KCNJ6: variants seen among roughly 807,000 people sequenced by gnomAD.
KCNJ6 encodes potassium inwardly rectifying channel subfamily J member 6, also known as G protein-activated inward rectifier potassium channel 2.
In KCNJ6, 9 loss-of-function variants were observed where a neutral mutation model predicts 34.2. That is an observed-to-expected ratio of 0.26 (90% CI 0.16 to 0.46). The LOEUF is 0.46. Ranked by LOEUF, KCNJ6 falls within the 20% of genes least tolerant of loss-of-function variation. The pLI, the probability that KCNJ6 is intolerant of heterozygous loss-of-function variation, is 1.00. For synonymous variants in KCNJ6, 196 were observed against 207.1 expected, an observed-to-expected ratio of 0.95 and a Z score of 0.46; for missense variants, 236 against 531.3, an observed-to-expected ratio of 0.44 and a Z score of 5.46.
chr21:37,719,440 A>ATTTC (rs2054812677), intron 2 of KCNJ6: 1 of 152,092 alleles, frequency 6.6e-6, no homozygotes, highest in Non-Finnish European at 1.5e-5. Flanking sequence ...GAGAGCAGAC[A>ATTTC]TTTCTCCCAT....
At chr21:37,782,136 G>A (rs2055172427) in intron 2 of KCNJ6, among the ~76,000 whole-genome samples, 1 of 152,154 alleles carries the variant, frequency 6.6e-6, no homozygotes, top group Non-Finnish European at 1.5e-5. Context: ...GAGAGTGAGA[G>A]AGAGAGAGAG....
intron 2 of KCNJ6, among the ~76,000 whole-genome samples, chr21:37,755,782 G>A (rs529632960): frequency 7.2e-5 from 11 of 152,208 alleles, no homozygotes; most frequent in Admixed American, 6.5e-4. Flanking sequence ...GGATGGATAC[G>A]AGGGTGCGGT....
chr21:37,888,115 G>A (rs532716948), intron 1 of KCNJ6, among the ~76,000 whole-genome samples: 57 of 152,358 alleles, frequency 3.7e-4, no homozygotes, highest in African/African-American at 1.3e-3. Flanking sequence ...AACCAAGGCT[G>A]GCTATTCTGG....
chr21:37,679,477 G>A (rs77342216), intron 3 of KCNJ6, among the ~76,000 whole-genome samples: 3,097 of 152,268 alleles, frequency 0.02, 101 homozygotes, highest in African/African-American at 0.071. Flanking sequence ...GAGTTAATAC[G>A]TGTGAAACAC....
chr21:37,696,661 G>T (rs2054664887), intron 3 of KCNJ6, among the ~76,000 whole-genome samples: 1 of 152,124 alleles, frequency 6.6e-6, no homozygotes, highest in South Asian at 2.1e-4. Context: ...GTCTGCAGAT[G>T]CTACTATATC....
At chr21:37,807,428 T>G (rs192032072) in intron 2 of KCNJ6, among the ~76,000 whole-genome samples, 37 of 152,372 alleles carry the variant, frequency 2.4e-4, no homozygotes, top group African/African-American at 8.4e-4. Flanking sequence ...TGGTGAGAGA[T>G]TCAATGTCCA....
At chr21:37,759,843 GATGA>G (rs1390050916) in intron 2 of KCNJ6, among the ~76,000 whole-genome samples, 1 of 152,218 alleles carries the variant, frequency 6.6e-6, no homozygotes, top group Non-Finnish European at 1.5e-5. Context: ...CCGTTCTGCA[GATGA>G]GAACATGGCA....
rs2054560855 is a variant in KCNJ6, at chr21:37,675,488, A to G, written c.946+38723T>C. Among the ~76,000 whole-genome samples, 1 of 152,228 alleles carries G rather than the reference A, an allele frequency of 6.6e-6. No homozygotes were observed. Among genetic ancestry groups the G allele is most frequent in the Non-Finnish European group, 1.5e-5 (1 of 68,040 alleles). ...CGCGCTGGGGATGAGCACCACTGTC[A>G]TCGCGGGGACCCTCGGGCTGCGCCT... On this transcript the variant is annotated intron_variant, in intron 3 of 3. Coordinates refer to ENST00000609713, the MANE Select transcript of KCNJ6 (RefSeq NM_002240.5). The surrounding 1 kb of genome is among the most constrained non-coding windows in gnomAD (Gnocchi z 4.2).
At chr21:37,708,065 A>G (rs2054730647) in intron 3 of KCNJ6, among the ~76,000 whole-genome samples, 1 of 152,180 alleles carries the variant, frequency 6.6e-6, no homozygotes, top group Non-Finnish European at 1.5e-5. Context: ...TCTATTGAGC[A>G]TCTAATTTAG....
In KCNJ6 at chr21:37,914,943, T is replaced by G. The variant is rs565528356; in HGVS notation, c.-28+941A>C. ...TTTTTTTTTTTTCTCTTCCTTTTTT[T>G]GGGGGTTGGAGGCGGAATTCTTTGG... On this transcript the variant is annotated intron_variant, in intron 1 of 3. Coordinates refer to ENST00000609713, the MANE Select transcript of KCNJ6 (RefSeq NM_002240.5). 1.1e-3 allele frequency among the ~76,000 whole-genome samples: 161 copies of G among 151,782 alleles called. 1 individual carries two copies. The highest frequency in any genetic ancestry group is 3.7e-3 in the African/African-American group (151 of 41,356).
chr21:37,647,539 A>AC (rs1435477351), intron 3 of KCNJ6, among the ~76,000 whole-genome samples: 8 of 152,068 alleles, frequency 5.3e-5, no homozygotes, highest in Admixed American at 2.6e-4. Context: ...CAGGGTCCAT[A>AC]CCCCCAATCA....
intron 2 of KCNJ6, among the ~76,000 whole-genome samples, chr21:37,736,559 G>T (rs532802373): frequency 2.6e-5 from 4 of 152,294 alleles, no homozygotes; most frequent in African/African-American, 9.6e-5. Flanking sequence ...CCTCTGGAAG[G>T]TCATGTGTCT....
intron 2 of KCNJ6, among the ~76,000 whole-genome samples, chr21:37,817,270 T>C (rs1426671869): frequency 2.8e-4 from 43 of 152,204 alleles, no homozygotes; most frequent in Admixed American, 2.7e-3. Context: ...GATTGTTCTT[T>C]CCTAGCTGGG....
At chr21:37,664,921 G>A (rs567187627) in intron 3 of KCNJ6, among the ~76,000 whole-genome samples, 1 of 148,610 alleles carries the variant, frequency 6.7e-6, no homozygotes, top group African/African-American at 2.5e-5. Context: ...TCAGCCTCCC[G>A]AGTAACTGGA....
intron 1 of KCNJ6, among the ~76,000 whole-genome samples, chr21:37,857,292 A>C (rs528326658): frequency 2.6e-5 from 4 of 152,344 alleles, no homozygotes; most frequent in African/African-American, 9.6e-5. Flanking sequence ...AACGATGCCT[A>C]GCCCCAGAAA....
intron 2 of KCNJ6, among the ~76,000 whole-genome samples, chr21:37,729,599 T>C (rs1221355761): frequency 1.3e-5 from 2 of 152,250 alleles, no homozygotes; most frequent in African/African-American, 2.4e-5. Flanking sequence ...GTTGGCATTA[T>C]AGGCGTGAGC....
At chr21:37,626,863 C>G (rs946201112) in intron 3 of KCNJ6, among the ~76,000 whole-genome samples, 4 of 152,140 alleles carry the variant, frequency 2.6e-5, no homozygotes, top group South Asian at 2.1e-4. Flanking sequence ...TATGCCAACA[C>G]AGTTGTAAAA....
intron 2 of KCNJ6, among the ~76,000 whole-genome samples, chr21:37,827,611 C>T (rs2055405209): frequency 6.6e-6 from 1 of 151,602 alleles, no homozygotes; most frequent in Admixed American, 6.6e-5. Flanking sequence ...TTATAATGGG[C>T]TTGAGTTGAG....
Position 37,714,842 on chromosome 21 carries a change from G to C in KCNJ6, c.315C>G (p.Leu105=). Residue 105 remains leucine (L), a synonymous_variant, in exon 3 of 4, where the codon CTC becomes CTG. Transcript: ENST00000609713. This position sits in a 1 kb window ranked among gnomAD's most constrained non-coding sequence, Gnocchi z 5.9. The part of the protein sequence containing the change: ...IFVMVYTVTW[L]FFGMIWWLIA... ...TCAACCACCAGATCATTCCAAAAAA[G>C]AGCCAGGTCACTGTGTAAACCATGA... 6.2e-7 allele frequency: 1 copy of C among 1,614,266 alleles called. No individual in the cohort carries two copies. Among genetic ancestry groups the C allele is most frequent in the Non-Finnish European group, 8.5e-7 (1 of 1,180,060 alleles).
Sources: gnomAD v4.1 joint callset for allele counts (sites outside exome capture counted in the v4.1 genomes callset) on GRCh38, gnomAD v4.1.1 for gene constraint, Gnocchi (gnomAD v3.1) non-coding constraint, MANE v1.5 for transcripts, NCBI Gene and HGNC (gene_info 2026-07-23, HGNC 2026-07-21) for gene names.